RGS22: variants seen among roughly 807,000 people sequenced by gnomAD.
RGS22 encodes the protein regulator of G protein signaling 22.
A neutral mutation model predicts 172.9 loss-of-function variants in RGS22; 148 were observed. That is an observed-to-expected ratio of 0.86 (90% confidence interval 0.75 to 0.98). The LOEUF (loss-of-function observed/expected upper bound fraction) is 0.98. Ranked by LOEUF, RGS22 falls within the 50% of genes least tolerant of loss-of-function variation. The pLI is 0.00. For synonymous variants in RGS22, 458 were observed against 480.2 expected, an observed-to-expected ratio of 0.95 and a Z score of 0.60; for missense variants, 1,347 against 1,440.8, an observed-to-expected ratio of 0.93 and a Z score of 1.05.
intron 15 of RGS22, 53 bp from the exon 16 acceptor site, chr8:100,006,162 T>C (rs1187859879): frequency 2.1e-6 from 3 of 1,420,728 alleles, no homozygotes; most frequent in South Asian, 1.2e-5. Flanking sequence ...AATTTGCTAG[T>C]AACAGTGGGC....
intron 2 of RGS22, among the ~76,000 whole-genome samples, chr8:100,100,759 G>T (rs1813408939): frequency 6.6e-6 from 1 of 152,080 alleles, no homozygotes; most frequent in African/African-American, 2.4e-5. Flanking sequence ...TAACAAAATA[G>T]AAATTTGAAC....
chr8:100,068,214 G>A (rs891376478), intron 6 of RGS22, among the ~76,000 whole-genome samples: 2 of 151,956 alleles, frequency 1.3e-5, no homozygotes, highest in Non-Finnish European at 2.9e-5. Context: ...CATAGACCCC[G>A]TCTCTACAAA....
At chr8:100,022,587 TA>T (rs1817707940) in intron 14 of RGS22, among the ~76,000 whole-genome samples, 1 of 152,042 alleles carries the variant, frequency 6.6e-6, no homozygotes, top group African/African-American at 2.4e-5. Context: ...AAGGAACAAA[TA>T]AAGGTTTTAT....
intron 18 of RGS22, among the ~76,000 whole-genome samples, chr8:100,000,083 CTTT>C (rs1331345442): frequency 6.6e-6 from 1 of 152,076 alleles, no homozygotes; most frequent in Non-Finnish European, 1.5e-5. Context: ...AACACAACTT[CTTT>C]GTGATCTAAA....
intron 20 of RGS22, among the ~76,000 whole-genome samples, chr8:99,988,370 T>C (rs1813335628): frequency 1.3e-5 from 2 of 152,220 alleles, no homozygotes; most frequent in South Asian, 4.1e-4. Flanking sequence ...AAATATAAAA[T>C]ATCTACTTTT....
intron 19 of RGS22, among the ~76,000 whole-genome samples, chr8:99,998,223 TA>T (rs1306505333): frequency 1.3e-5 from 2 of 152,202 alleles, no homozygotes; most frequent in Non-Finnish European, 2.9e-5. Flanking sequence ...ACTATATTAA[TA>T]GATAACATTT....
intron 11 of RGS22, among the ~76,000 whole-genome samples, chr8:100,043,803 A>AC (rs2131619144): frequency 1.3e-5 from 2 of 152,182 alleles, no homozygotes; most frequent in African/African-American, 4.8e-5. Context: ...ACAAAACAAA[A>AC]AAAACCACAA....
chr8:99,971,870 G>A (rs961124814), intron 23 of RGS22, among the ~76,000 whole-genome samples: 2 of 152,192 alleles, frequency 1.3e-5, no homozygotes, highest in South Asian at 2.1e-4. Context: ...AGCTACCATT[G>A]ACTTTCTTCA....
intron 23 of RGS22, among the ~76,000 whole-genome samples, chr8:99,969,579 T>A (rs984585540): frequency 6.6e-6 from 1 of 150,884 alleles, no homozygotes; most frequent in Non-Finnish European, 1.5e-5. Context: ...GGGGTTGCAA[T>A]TCTAGTCTCT....
intron 21 of RGS22, among the ~76,000 whole-genome samples, 180 bp downstream of exon 21, chr8:99,987,278 A>G (rs1020989737): frequency 1.3e-5 from 2 of 152,168 alleles, no homozygotes; most frequent in African/African-American, 4.8e-5. Context: ...TCACTGTATA[A>G]TAATAAATGT....
chr8:100,047,272 C>T (rs1216542843), intron 11 of RGS22, among the ~76,000 whole-genome samples, 191 bp downstream of exon 11: 3 of 152,170 alleles, frequency 2.0e-5, no homozygotes, highest in Non-Finnish European at 4.4e-5. Flanking sequence ...TTTAAAATTA[C>T]TAATATCTGG....
intron 14 of RGS22, among the ~76,000 whole-genome samples, chr8:100,012,626 C>G (rs549979533): frequency 2.7e-5 from 4 of 150,338 alleles, no homozygotes; most frequent in Non-Finnish European, 5.9e-5. Context: ...AAGAAAGAAA[C>G]AGAGAGAGAG....
chr8:100,051,424 ATT>A (rs1491474544), intron 10 of RGS22, among the ~76,000 whole-genome samples: 3 of 108,874 alleles, frequency 2.8e-5, no homozygotes, highest in African/African-American at 1.1e-4. Flanking sequence ...ATATATATAC[ATT>A]TATATATTTA....
intron 12 of RGS22, 42 bp downstream of exon 12, chr8:100,041,760 T>G: frequency 9.4e-7 from 1 of 1,063,178 alleles, no homozygotes. Flanking sequence ...TACTGATCAG[T>G]TAAATGAAGA....
chr8:100,029,702 C>CAAAAAAAAAAAA (rs369058108), intron 14 of RGS22, among the ~76,000 whole-genome samples: 2 of 62,014 alleles, frequency 3.2e-5, no homozygotes, highest in Non-Finnish European at 6.8e-5. Context: ...AACTCCGTCT[C>CAAAAAAAAAAAA]AAAAAAAAAA....
rs532619563 is a variant in RGS22, at chr8:100,079,792, A to T, written c.339+342T>A. ...AAGTCTCAATTCCCAACTGCTTGAT[A>T]GGATTGGTTCAAAACCCAAATGAAA... On this transcript the variant is annotated intron_variant, in intron 4 of 27. Coordinates refer to ENST00000360863, the MANE Select transcript of RGS22 (RefSeq NM_015668.5). Among the ~76,000 whole-genome samples the T allele has an allele frequency of 2.6e-5, 4 of 152,328 alleles. No homozygotes were observed. In the South Asian group the frequency reaches 6.2e-4, roughly 24 times the overall value.
intron 21 of RGS22, among the ~76,000 whole-genome samples, chr8:99,986,481 A>T (rs1430649189): frequency 6.6e-6 from 1 of 152,196 alleles, no homozygotes; most frequent in Non-Finnish European, 1.5e-5. Flanking sequence ...GATGGAATAG[A>T]CTGCTTGCAA....
chr8:99,980,330 C>G (rs1454124967), intron 22 of RGS22, among the ~76,000 whole-genome samples: 2 of 152,106 alleles, frequency 1.3e-5, no homozygotes, highest in East Asian at 3.9e-4. Flanking sequence ...TGGAGAGAAC[C>G]CAGAGGCCAG....
chr8:99,961,851 G>C (rs1363350556), intron 27 of RGS22, among the ~76,000 whole-genome samples: 1 of 152,052 alleles, frequency 6.6e-6, no homozygotes, highest in African/African-American at 2.4e-5. Flanking sequence ...GAAAACTAAG[G>C]ATGTTAAGAA....
Sources: gnomAD v4.1 joint callset for allele counts (sites outside exome capture counted in the v4.1 genomes callset) on GRCh38, gnomAD v4.1.1 for gene constraint, MANE v1.5 for transcripts, NCBI Gene and HGNC (gene_info 2026-07-23, HGNC 2026-07-21) for gene names.